PLEKHG7: variants seen among roughly 807,000 people sequenced by gnomAD.
PLEKHG7 encodes the protein pleckstrin homology and RhoGEF domain containing G7, also known as pleckstrin homology domain-containing family G member 7.
PLEKHG7 carries 77 observed loss-of-function variants against 85.2 expected under a neutral mutation model. That is an observed-to-expected ratio of 0.90 (90% CI 0.75 to 1.09). The LOEUF (loss-of-function observed/expected upper bound fraction) is 1.09. Among genes scored for constraint, PLEKHG7 ranks in the 50% least tolerant of loss-of-function variants. The pLI, the probability that PLEKHG7 is intolerant of heterozygous loss-of-function variation, is 0.00. For missense variants in PLEKHG7, 777 were observed against 804.3 expected (o/e 0.97, Z 0.41); for synonymous variants, 301 against 302.4 (o/e 1.00, Z 0.05).
At chr12:92,723,359 C>A (rs901632933) in intron 3 of PLEKHG7, among the ~76,000 whole-genome samples, 2 of 152,164 alleles carry the variant, frequency 1.3e-5, no homozygotes, top group African/African-American at 2.4e-5. Flanking sequence ...ACATAAGATA[C>A]TTTTCATGAG....
At chr12:92,712,803 T>C (rs892730746) in intron 3 of PLEKHG7, among the ~76,000 whole-genome samples, 48 of 152,078 alleles carry the variant, frequency 3.2e-4, no homozygotes, top group Non-Finnish European at 1.2e-4. Flanking sequence ...CCTGGAAAAA[T>C]GACCACAAGA....
intron 3 of PLEKHG7, among the ~76,000 whole-genome samples, chr12:92,723,443 A>G (rs1028706683): frequency 2.0e-5 from 3 of 152,220 alleles, no homozygotes; most frequent in Admixed American, 1.3e-4. Flanking sequence ...ACCAACACAA[A>G]TGATTATAAG....
At chr12:92,744,539 A>G (rs1872468465) in intron 9 of PLEKHG7, among the ~76,000 whole-genome samples, 1 of 152,314 alleles carries the variant, frequency 6.6e-6, no homozygotes, top group South Asian at 2.1e-4. Context: ...TAGTCATTAT[A>G]GCAAGTTTAA....
At chr12:92,710,787 A>G (rs1041828490) in intron 3 of PLEKHG7, among the ~76,000 whole-genome samples, 4 of 152,146 alleles carry the variant, frequency 2.6e-5, no homozygotes, top group Admixed American at 6.5e-5. Flanking sequence ...CCCTACCACC[A>G]TGGCTACTTT....
At chr12:92,726,703 C>T (rs1019737336) in intron 3 of PLEKHG7, among the ~76,000 whole-genome samples, 2 of 152,066 alleles carry the variant, frequency 1.3e-5, no homozygotes, top group African/African-American at 4.8e-5. Context: ...TGTGACATCA[C>T]CCATTTATTT....
chr12:92,768,148 A>G (rs1873269129), intron 15 of PLEKHG7, among the ~76,000 whole-genome samples: 1 of 151,864 alleles, frequency 6.6e-6, no homozygotes, highest in Non-Finnish European at 1.5e-5. Context: ...GCAGAGGTAC[A>G]GTGAGCCGAG....
Position 92,769,084 on chromosome 12 carries a change from T to C in PLEKHG7, c.1968+4T>C, listed in dbSNP as rs769526592. On this transcript the variant is annotated splice_donor_region_variant and intron_variant, in intron 16 of 16. Transcript: ENST00000344636. ...AGCCCAAACGGAAAACATCAAAGTA[T>C]GTATTTTAATTTTGTAGGTCTTTGA... The C allele has an allele frequency of 5.2e-6, 8 of 1,550,902 alleles. No individual in the cohort carries two copies. The highest frequency in any genetic ancestry group is 7.1e-6 in the Non-Finnish European group (8 of 1,126,978).
chr12:92,745,644 C>A, intron 10 of PLEKHG7, 53 bp downstream of exon 10: 1 of 1,185,138 alleles, frequency 8.4e-7, no homozygotes, highest in Non-Finnish European at 1.3e-6. Context: ...TTTTGGGTGT[C>A]ACATGTACTG....
rs758928134 is a variant in PLEKHG7 at position 92,755,903 on chromosome 12, C to T, written c.1505C>T (p.Pro502Leu). The change falls in exon 12 of 17, where the codon CCG becomes CTG. Residue 502 changes from proline to leucine, a missense_variant. Pro to Leu is a moderately conservative substitution (Grantham distance 98, BLOSUM62 -3). Transcript: ENST00000344636. ...RYLQEIIVWP[P>L]LWDRDKRFFI... ...CTACAGGAGATTATAGTGTGGCCACCGCTTTGGGATAGAGATAAAAGGTTT... is the reference window on the plus strand; with the variant it reads ...CTACAGGAGATTATAGTGTGGCCACTGCTTTGGGATAGAGATAAAAGGTTT... 5.0e-6 allele frequency: 8 copies of T among 1,612,904 alleles called. No homozygotes were observed. The East Asian group carries it at 6.7e-5, about 13-fold the overall frequency.
intron 3 of PLEKHG7, among the ~76,000 whole-genome samples, chr12:92,719,027 G>A (rs1871564088): frequency 6.6e-6 from 1 of 152,186 alleles, no homozygotes; most frequent in Non-Finnish European, 1.5e-5. Flanking sequence ...ATTCCAGGCG[G>A]TAAACTAGAA....
chr12:92,741,076 G>T (rs957855581), intron 8 of PLEKHG7, 128 bp downstream of exon 8: 2 of 594,856 alleles, frequency 3.4e-6, no homozygotes, highest in African/African-American at 1.9e-5. Context: ...AGGACTTCAG[G>T]TTAATAAGAA....
chr12:92,727,537 T>C (rs1008781102), intron 3 of PLEKHG7, among the ~76,000 whole-genome samples: 1 of 152,204 alleles, frequency 6.6e-6, no homozygotes, highest in African/African-American at 2.4e-5. Flanking sequence ...TGGATTAGTT[T>C]ACTTAGGATA....
At chr12:92,716,785 C>T (rs1455371018) in intron 3 of PLEKHG7, among the ~76,000 whole-genome samples, 1 of 152,162 alleles carries the variant, frequency 6.6e-6, no homozygotes, top group African/African-American at 2.4e-5. Context: ...TCATCTGCCC[C>T]CAAGAATCAA....
At chr12:92,729,715 A>T (rs1171301943) in intron 4 of PLEKHG7, among the ~76,000 whole-genome samples, 1 of 152,086 alleles carries the variant, frequency 6.6e-6, no homozygotes, top group African/African-American at 2.4e-5. Context: ...CTAAGAGGAG[A>T]CTTAAGGATT....
At chr12:92,726,574 G>C (rs1303156213) in intron 3 of PLEKHG7, among the ~76,000 whole-genome samples, 1 of 152,174 alleles carries the variant, frequency 6.6e-6, no homozygotes, top group Non-Finnish European at 1.5e-5. Flanking sequence ...AGTCCCTACA[G>C]TTCCATGTTA....
rs1007866283 is a variant in PLEKHG7 at position 92,703,036 on chromosome 12, G to A, written c.-258G>A. 1.4e-4 allele frequency: 22 copies of A among 152,310 alleles called. No individual in the cohort carries two copies. Among genetic ancestry groups the A allele is most frequent in the Admixed American group, 7.2e-4 (11 of 15,300 alleles). The allele number at this position is 152,310 out of a possible 1,614,324, so 9.4% of individuals were successfully genotyped here. ...TTACAGGTGTGGAACTTGTTGCTCC[G>A]AGCCCTCGCCTGGCAGCTCACTCTG... is the stretch of plus-strand genomic sequence containing the variant. On this transcript the variant is annotated 5_prime_UTR_variant, in exon 1 of 17. Coordinates refer to ENST00000344636, the MANE Select transcript of PLEKHG7 (RefSeq NM_001377329.1).
intron 7 of PLEKHG7, among the ~76,000 whole-genome samples, chr12:92,738,025 C>T (rs1001896613): frequency 5.3e-5 from 8 of 152,188 alleles, no homozygotes; most frequent in African/African-American, 1.7e-4. Context: ...CAGTCCATTG[C>T]ATCTTTGCTC....
At chr12:92,713,064 C>T (rs569798615) in intron 3 of PLEKHG7, among the ~76,000 whole-genome samples, 17 of 152,268 alleles carry the variant, frequency 1.1e-4, no homozygotes, top group African/African-American at 3.6e-4. Flanking sequence ...AAAAGATTCA[C>T]GGCATAGTGA....
chr12:92,757,848 G>A (rs944560883), intron 13 of PLEKHG7, among the ~76,000 whole-genome samples: 2 of 152,190 alleles, frequency 1.3e-5, no homozygotes, highest in Non-Finnish European at 2.9e-5. Context: ...CTCAGACAGG[G>A]AAGTGATAGG....
Sources: allele counts gnomAD v4.1 joint callset (sites outside exome capture counted in the v4.1 genomes callset), GRCh38; gene constraint gnomAD v4.1.1; transcripts MANE v1.5; gene names NCBI Gene and HGNC (gene_info 2026-07-23, HGNC 2026-07-21).